GMDS: variants seen among roughly 807,000 people sequenced by gnomAD.
GMDS encodes the protein GDP-mannose 4,6-dehydratase, also known as GDP-mannose 4,6 dehydratase.
A neutral mutation model predicts 49.9 loss-of-function variants in GMDS; 20 were observed. The observed-to-expected ratio is 0.40, with a 90% confidence interval of 0.28 to 0.58. The LOEUF (loss-of-function observed/expected upper bound fraction) is 0.58, where lower values mean the gene tolerates loss of function less well. Among genes scored for constraint, GMDS ranks in the 20% least tolerant of loss-of-function variants. The probability of loss-of-function intolerance (pLI) is 0.42; values close to 1 mark genes in which losing one functional copy is unlikely to be tolerated. For missense variants in GMDS, 362 were observed against 481.4 expected, an observed-to-expected ratio of 0.75 and a Z score of 2.32; for synonymous variants, 177 against 178.6, an observed-to-expected ratio of 0.99 and a Z score of 0.07.
At chr6:2,076,657 G>C (rs1313586638) in intron 4 of GMDS, among the ~76,000 whole-genome samples, 1 of 152,150 alleles carries the variant, frequency 6.6e-6, no homozygotes, top group Non-Finnish European at 1.5e-5. Flanking sequence ...ATAAGCAATG[G>C]GGAAAGGATT....
At chr6:2,047,174 T>C (rs1199668403) in intron 4 of GMDS, among the ~76,000 whole-genome samples, 1 of 152,236 alleles carries the variant, frequency 6.6e-6, no homozygotes, top group Non-Finnish European at 1.5e-5. Flanking sequence ...TTCTAGATTA[T>C]AGTTGTATTG....
intron 7 of GMDS, among the ~76,000 whole-genome samples, chr6:1,745,637 ACTAT>A (rs1379743750): frequency 6.6e-6 from 1 of 152,216 alleles, no homozygotes; most frequent in African/African-American, 2.4e-5. Context: ...TCTCCATCAG[ACTAT>A]CTGTGGCCTT....
At chr6:2,079,856 G>C (rs1772569681) in intron 4 of GMDS, among the ~76,000 whole-genome samples, 1 of 151,966 alleles carries the variant, frequency 6.6e-6, no homozygotes, top group Admixed American at 6.6e-5. Context: ...GATAGATTTG[G>C]GAAGTTTTCA....
intron 6 of GMDS, among the ~76,000 whole-genome samples, chr6:1,951,206 T>G (rs1399101397): frequency 6.6e-6 from 1 of 152,234 alleles, no homozygotes; most frequent in Non-Finnish European, 1.5e-5. Flanking sequence ...AAGTAATTTT[T>G]ACATGAATTA....
At chr6:2,076,020 T>A (rs1208688350) in intron 4 of GMDS, among the ~76,000 whole-genome samples, 1 of 152,226 alleles carries the variant, frequency 6.6e-6, no homozygotes, top group South Asian at 2.1e-4. Context: ...ATGATGAGCA[T>A]TTTTTCATGT....
At chr6:2,117,990 C>T (rs921428969) in intron 2 of GMDS, among the ~76,000 whole-genome samples, 1 of 152,210 alleles carries the variant, frequency 6.6e-6, no homozygotes, top group Admixed American at 6.5e-5. Context: ...TCAGAGCTTG[C>T]ACTTTGCATC....
chr6:1,778,016 T>A lies in GMDS; in HGVS notation c.772-35430A>T, dbSNP rs1219685377. 6.6e-6 allele frequency among the ~76,000 whole-genome samples: 1 copy of A among 151,988 alleles called. No homozygotes were observed. Among genetic ancestry groups the A allele is most frequent in the Non-Finnish European group, 1.5e-5 (1 of 67,988 alleles). On this transcript the variant is annotated intron_variant, in intron 7 of 10. Transcript: ENST00000380815. This position sits in a 1 kb window ranked among gnomAD's most constrained non-coding sequence, Gnocchi z 4.6. ...TGGAAGAGCTGAATGGAAATTTCAA[T>A]AAAGAGGGCCACAAAGAAGCATTTG...
intron 8 of GMDS, among the ~76,000 whole-genome samples, chr6:1,727,564 G>A (rs1014343213): frequency 6.6e-6 from 1 of 152,040 alleles, no homozygotes; most frequent in Non-Finnish European, 1.5e-5. Context: ...CGGGGTCAGA[G>A]TCATCATGGG....
intron 1 of GMDS, among the ~76,000 whole-genome samples, chr6:2,229,408 CAAAAAAAA>C (rs1210456971): frequency 5.9e-4 from 53 of 89,242 alleles, no homozygotes; most frequent in Non-Finnish European, 1.2e-3. Flanking sequence ...CCTGTTTCTA[CAAAAAAAA>C]AAAAAAAAAA....
chr6:2,122,250 G>A (rs1775180146), intron 2 of GMDS, among the ~76,000 whole-genome samples: 2 of 152,150 alleles, frequency 1.3e-5, no homozygotes, highest in South Asian at 4.2e-4. Context: ...GTAGTACCCA[G>A]GCAAGCAATG....
chr6:1,864,610 A>G (rs1758352570), intron 7 of GMDS, among the ~76,000 whole-genome samples: 1 of 152,234 alleles, frequency 6.6e-6, no homozygotes, highest in Admixed American at 6.5e-5. Flanking sequence ...TAAATGTGGC[A>G]AAGGCAGATT....
chr6:1,871,378 C>T (rs560186866), intron 7 of GMDS, among the ~76,000 whole-genome samples: 1 of 152,042 alleles, frequency 6.6e-6, no homozygotes, highest in Admixed American at 6.6e-5. Context: ...TTTGAAATGA[C>T]GTCTACAGAG....
At chr6:1,901,154 G>A (rs1471253324) in intron 7 of GMDS, among the ~76,000 whole-genome samples, 2 of 152,176 alleles carry the variant, frequency 1.3e-5, no homozygotes, top group Non-Finnish European at 1.5e-5. Context: ...CGTGGCTCCC[G>A]GCTCTCAGCT....
At chr6:1,719,435 G>C (rs145003831) in intron 9 of GMDS, among the ~76,000 whole-genome samples, 11 of 152,286 alleles carry the variant, frequency 7.2e-5, no homozygotes, top group African/African-American at 2.2e-4. Flanking sequence ...AGTAAAGAAG[G>C]TGCTGGGAAA....
chr6:2,225,480 A>ACC (rs1780774613), intron 1 of GMDS, among the ~76,000 whole-genome samples: 1 of 152,142 alleles, frequency 6.6e-6, no homozygotes, highest in Non-Finnish European at 1.5e-5. Context: ...CTGCTCCCTA[A>ACC]CTTGTACCTT....
rs1031768671 is a variant in GMDS at position 2,009,185 on chromosome 6, C to T, written c.346-48219G>A. Among the ~76,000 whole-genome samples, 6 of 152,128 alleles carry T rather than the reference C, an allele frequency of 3.9e-5. No individual in the cohort carries two copies. The South Asian group carries it at 6.2e-4, about 16-fold the overall frequency. The stretch of plus-strand genomic sequence containing the variant: ...TTGTTCCCAAACTAAACTCAAGATA[C>T]GAACATTCACACATCCTGATGCCTC... On this transcript the variant is annotated intron_variant, in intron 4 of 10. Coordinates refer to ENST00000380815, the MANE Select transcript of GMDS (RefSeq NM_001500.4).
intron 1 of GMDS, among the ~76,000 whole-genome samples, chr6:2,142,478 G>T (rs147940809): frequency 6.6e-6 from 1 of 152,148 alleles, no homozygotes; most frequent in Non-Finnish European, 1.5e-5. Context: ...AATGTCACAG[G>T]ATGATGAAGT....
intron 4 of GMDS, among the ~76,000 whole-genome samples, chr6:2,021,474 G>A (rs9392353): frequency 0.27 from 41,042 of 151,964 alleles, 5,569 homozygotes; most frequent in South Asian, 0.3. Flanking sequence ...GAGACATAAA[G>A]TGAGTGTTTA....
chr6:2,154,969 C>T (rs1253807898), intron 1 of GMDS, among the ~76,000 whole-genome samples: 1 of 150,944 alleles, frequency 6.6e-6, no homozygotes, highest in Non-Finnish European at 1.5e-5. Context: ...CAGATTTTTA[C>T]CTACTTCATA....
Sources: gnomAD v4.1 joint callset for allele counts (sites outside exome capture counted in the v4.1 genomes callset) on GRCh38, gnomAD v4.1.1 for gene constraint, Gnocchi (gnomAD v3.1) non-coding constraint, MANE v1.5 for transcripts, NCBI Gene and HGNC (gene_info 2026-07-23, HGNC 2026-07-21) for gene names.